The following MYRIP variants were observed in gnomAD, a reference collection of about 807,000 sequenced individuals.
MYRIP encodes myosin VIIA and Rab interacting protein.
MYRIP carries 49 observed loss-of-function variants against 98.0 expected under a neutral mutation model. The ratio of observed to expected loss-of-function variants is 0.50; its 90% CI spans 0.40 to 0.63. The LOEUF is 0.63. MYRIP is among the 30% of genes least tolerant of loss of function. The pLI, the probability that MYRIP is intolerant of heterozygous loss-of-function variation, is 0.00. For missense variants in MYRIP, 1,004 were observed against 1,058.2 expected (o/e 0.95, Z 0.71); for synonymous variants, 404 against 409.5 (o/e 0.99, Z 0.16).
chr3:40,027,160 G>A (rs926890027), intron 2 of MYRIP, among the ~76,000 whole-genome samples: 5 of 152,004 alleles, frequency 3.3e-5, no homozygotes, highest in African/African-American at 1.2e-4. Flanking sequence ...TCCATGAACA[G>A]CTTCACTCCC....
At chr3:39,970,986 G>T (rs199757164) in intron 2 of MYRIP, among the ~76,000 whole-genome samples, 1 of 152,098 alleles carries the variant, frequency 6.6e-6, no homozygotes, top group Non-Finnish European at 1.5e-5. Context: ...TCATACATAC[G>T]TGGGAGATAC....
intron 2 of MYRIP, among the ~76,000 whole-genome samples, chr3:39,928,886 A>T (rs1439724077): frequency 6.6e-6 from 1 of 151,988 alleles, no homozygotes; most frequent in Admixed American, 6.6e-5. Context: ...AGTGTGATGC[A>T]TACTACTCTT....
chr3:39,979,334 T>C (rs1261532221), intron 2 of MYRIP, among the ~76,000 whole-genome samples: 1 of 152,084 alleles, frequency 6.6e-6, no homozygotes, highest in Non-Finnish European at 1.5e-5. Flanking sequence ...TATTCATTGT[T>C]TGGTAATTAA....
At chr3:40,103,176 C>T (rs1948981567) in intron 3 of MYRIP, among the ~76,000 whole-genome samples, 2 of 152,108 alleles carry the variant, frequency 1.3e-5, no homozygotes, top group Admixed American at 6.5e-5. Flanking sequence ...AATCTCCTCC[C>T]ACAGTGTGCC....
intron 1 of MYRIP, among the ~76,000 whole-genome samples, chr3:39,892,116 T>C (rs1336944492): frequency 2.0e-5 from 3 of 152,132 alleles, no homozygotes; most frequent in East Asian, 1.9e-4. Context: ...AAAATTTATA[T>C]CTTTAATCTG....
rs1020945687 is a variant in MYRIP at position 39,899,201 on chromosome 3, T to A, written c.-30-1586T>A. 1.4e-4 allele frequency among the ~76,000 whole-genome samples: 21 copies of A among 152,218 alleles called. 1 individual carries two copies. In the Middle Eastern group the frequency reaches 0.017, roughly 123 times the overall value. ...TTGACCCTTATGATCTAAAAAAAAA[T>A]AATACTTGTATGCATGCTGTACATG... On this transcript the variant is annotated intron_variant, in intron 1 of 16. Transcript: ENST00000302541.
intron 10 of MYRIP, among the ~76,000 whole-genome samples, chr3:40,192,249 C>T (rs572519949): frequency 1.6e-5 from 2 of 128,424 alleles, no homozygotes; most frequent in African/African-American, 6.0e-5. Flanking sequence ...GCCACTGCAA[C>T]AGGCCCTCAC....
At chr3:40,134,113 A>G (rs1410236510) in intron 3 of MYRIP, among the ~76,000 whole-genome samples, 2 of 152,208 alleles carry the variant, frequency 1.3e-5, no homozygotes, top group Non-Finnish European at 2.9e-5. Flanking sequence ...AGCGCAAGAA[A>G]TCAGGGAATT....
At chr3:39,958,060 C>A (rs1158071597) in intron 2 of MYRIP, among the ~76,000 whole-genome samples, 1 of 152,186 alleles carries the variant, frequency 6.6e-6, no homozygotes, top group Non-Finnish European at 1.5e-5. Flanking sequence ...ACATTCCATG[C>A]TCATGGATAA....
chr3:40,201,653 ACT>A (rs151124440), intron 10 of MYRIP, among the ~76,000 whole-genome samples: 6,132 of 151,880 alleles, frequency 0.04, 295 homozygotes, highest in African/African-American at 0.11. Context: ...ACCTTGAGAG[ACT>A]CTCTTTGAGG....
At chr3:39,937,125 G>T (rs35191582) in intron 2 of MYRIP, among the ~76,000 whole-genome samples, 1 of 151,956 alleles carries the variant, frequency 6.6e-6, no homozygotes, top group African/African-American at 2.4e-5. Context: ...AGTGCTTTCA[G>T]TCCAGGTCTC....
chr3:40,098,030 CAG>C (rs1948865014), intron 3 of MYRIP, among the ~76,000 whole-genome samples: 1 of 152,168 alleles, frequency 6.6e-6, no homozygotes, highest in African/African-American at 2.4e-5. Context: ...CCTTTTAAAT[CAG>C]AGTTATTAGC....
rs114788556 is a variant in MYRIP at position 39,870,002 on chromosome 3, T to G, written c.-30-30785T>G. Among the ~76,000 whole-genome samples, 1,504 of 151,836 alleles carry G rather than the reference T, an allele frequency of 9.9e-3. 26 individuals carry two copies. The highest frequency in any genetic ancestry group is 0.035 in the African/African-American group (1,444 of 41,366). The stretch of plus-strand genomic sequence containing the variant: ...TAATGCATATCCTGGCTCTGGGGAG[T>G]TGCCTAGGTGAAATGCCAAGGAGAG... On this transcript the variant is annotated intron_variant, in intron 1 of 16. Transcript: ENST00000302541.
rs535403474 is a variant in MYRIP at position 40,032,338 on chromosome 3, G to A, written c.111-11712G>A. ...AGTTTCCATGTAGTTGAGCGGTTTTGAGTGAGTTTCTTAATCCTGAGTTCT... is the reference window on the plus strand; with the variant it reads ...AGTTTCCATGTAGTTGAGCGGTTTTAAGTGAGTTTCTTAATCCTGAGTTCT... On this transcript the variant is annotated intron_variant, in intron 2 of 16. Coordinates refer to ENST00000302541, the MANE Select transcript of MYRIP (RefSeq NM_015460.4). Among the ~76,000 whole-genome samples the A allele has an allele frequency of 1.2e-4, 18 of 152,270 alleles. No individual in the cohort carries two copies. In the South Asian group the frequency reaches 2.9e-3, roughly 25 times the overall value.
chr3:40,029,238 C>T (rs1023387158), intron 2 of MYRIP, among the ~76,000 whole-genome samples: 1 of 152,170 alleles, frequency 6.6e-6, no homozygotes, highest in African/African-American at 2.4e-5. Flanking sequence ...ATCTTCCTTC[C>T]TTGGAAATAT....
chr3:40,074,327 G>A (rs551601344), intron 3 of MYRIP, among the ~76,000 whole-genome samples: 182 of 152,046 alleles, frequency 1.2e-3, no homozygotes, highest in African/African-American at 4.2e-3. Flanking sequence ...GCCCACCTTG[G>A]CCTCCCAAAG....
At chr3:39,886,772 C>T (rs934507389) in intron 1 of MYRIP, among the ~76,000 whole-genome samples, 4 of 151,646 alleles carry the variant, frequency 2.6e-5, no homozygotes, top group African/African-American at 7.3e-5. Flanking sequence ...CAACATTAGA[C>T]AGATCAACGA....
intron 1 of MYRIP, among the ~76,000 whole-genome samples, chr3:39,838,862 TATTA>T (rs1392160008): frequency 3.3e-5 from 5 of 152,196 alleles, no homozygotes; most frequent in Non-Finnish European, 7.3e-5. Flanking sequence ...GTTGGTAGGC[TATTA>T]ATTACTGCCT....
chr3:39,994,827 C>T (rs571804282), intron 2 of MYRIP, among the ~76,000 whole-genome samples: 6 of 152,322 alleles, frequency 3.9e-5, no homozygotes, highest in African/African-American at 1.4e-4. Flanking sequence ...CTGGGTACTC[C>T]TCTCACACAA....
Sources: allele counts gnomAD v4.1 joint callset (sites outside exome capture counted in the v4.1 genomes callset), GRCh38; gene constraint gnomAD v4.1.1; transcripts MANE v1.5; gene names NCBI Gene and HGNC (gene_info 2026-07-23, HGNC 2026-07-21).